The following CEP128 variants were observed in gnomAD, a reference collection of about 807,000 sequenced individuals.
CEP128 encodes centrosomal protein 128, also known as centrosomal protein 128kDa.
In CEP128, 132 loss-of-function variants were observed where a neutral mutation model predicts 156.7. That is an observed-to-expected ratio of 0.84 (90% confidence interval 0.73 to 0.97). The LOEUF (loss-of-function observed/expected upper bound fraction) is 0.97, where lower values mean the gene tolerates loss of function less well. Ranked by LOEUF, CEP128 falls within the 50% of genes least tolerant of loss-of-function variation. The pLI is 0.00. For synonymous variants in CEP128, 469 were observed against 448.9 expected (o/e 1.04, Z -0.57); for missense variants, 1,252 against 1,281.9 (o/e 0.98, Z 0.36).
intron 19 of CEP128, among the ~76,000 whole-genome samples, chr14:80,721,280 A>G (rs570284224): frequency 6.6e-6 from 1 of 152,296 alleles, no homozygotes; most frequent in South Asian, 2.1e-4. Context: ...AACCCTGGCA[A>G]TCATACTACA....
rs1566705415 is a variant in CEP128 at position 80,903,653 on chromosome 14, C to CA, written c.480+1159_480+1160insT. Among the ~76,000 whole-genome samples, 218 of 140,898 alleles carry CA rather than the reference C, an allele frequency of 1.5e-3. 2 individuals are homozygous for CA. The highest frequency in any genetic ancestry group is 2.1e-3 in the African/African-American group (82 of 38,178). 92.4% of individuals were successfully genotyped at this position (140,898 alleles called of 152,430 possible). A position where few individuals can be genotyped will look rare whatever the true frequency, so the allele number is the denominator to read the frequency against. ...ATAAAGAACTCAAACAACTCAATAG[C>CA]GAAAAAAAAAAAAATTTAAAATGGG... On this transcript the variant is annotated intron_variant, in intron 6 of 24. Coordinates refer to ENST00000555265, the MANE Select transcript of CEP128 (RefSeq NM_152446.5).
intron 8 of CEP128, among the ~76,000 whole-genome samples, chr14:80,888,158 G>A (rs1595550114): frequency 6.6e-6 from 1 of 152,062 alleles, no homozygotes; most frequent in African/African-American, 2.4e-5. Flanking sequence ...ACCAAAAAAA[G>A]CCCAGGACCA....
At chr14:80,616,695 C>T (rs1271923638) in intron 19 of CEP128, among the ~76,000 whole-genome samples, 2 of 152,118 alleles carry the variant, frequency 1.3e-5, no homozygotes, top group Non-Finnish European at 2.9e-5. Context: ...ATTTACCTTG[C>T]CATACCTCAG....
intron 8 of CEP128, among the ~76,000 whole-genome samples, chr14:80,864,804 A>G (rs368785083): frequency 2.4e-4 from 37 of 152,148 alleles, no homozygotes; most frequent in African/African-American, 7.5e-4. Context: ...TGATCCACCC[A>G]CCTTGGCCTC....
rs1311873198 is a variant in CEP128, at chr14:80,904,846, G to A, written c.447C>T (p.Val149=). 2 of 1,608,284 alleles carry A rather than the reference G, an allele frequency of 1.2e-6. No homozygotes were observed. The highest frequency in any genetic ancestry group is 1.7e-6 in the Non-Finnish European group (2 of 1,174,754). Reference sequence around the variant, plus strand: ...TATCATCAGTCTCTTGAACAAACCGGACACCAGTTCTTGATCTCATTCGTT... The same window carrying A: ...TATCATCAGTCTCTTGAACAAACCGAACACCAGTTCTTGATCTCATTCGTT... ...GIKRMRSRTG[V]RFVQETDDMT... Residue 149 remains valine, a synonymous_variant, in exon 6 of 25, where the codon GTC becomes GTT. Coordinates refer to ENST00000555265, the MANE Select transcript of CEP128 (RefSeq NM_152446.5).
At chr14:80,793,750 A>G (rs553971184) in intron 13 of CEP128, among the ~76,000 whole-genome samples, 2 of 152,268 alleles carry the variant, frequency 1.3e-5, no homozygotes, top group African/African-American at 4.8e-5. Context: ...TATTTCTCTA[A>G]TCAAGAAAAA....
intron 7 of CEP128, 48 bp downstream of exon 7, chr14:80,899,890 T>C (rs1883431334): frequency 7.8e-7 from 1 of 1,276,058 alleles, no homozygotes; most frequent in Non-Finnish European, 1.1e-6. Context: ...AGCTAATTTA[T>C]TCTCCTCATA....
At chr14:80,484,730 A>C (rs1887123445) in intron 14 of CEP128, among the ~76,000 whole-genome samples, 1 of 152,174 alleles carries the variant, frequency 6.6e-6, no homozygotes, top group Admixed American at 6.5e-5. Flanking sequence ...GGAGATTTTA[A>C]CTTATTCTCC....
chr14:80,844,517 T>G (rs1200383642), intron 9 of CEP128, among the ~76,000 whole-genome samples: 2 of 152,106 alleles, frequency 1.3e-5, no homozygotes, highest in African/African-American at 4.8e-5. Context: ...TGAATTGAAA[T>G]GTGTGTATTT....
intron 21 of CEP128, among the ~76,000 whole-genome samples, chr14:80,552,867 T>C (rs140198482): frequency 6.6e-6 from 1 of 152,304 alleles, no homozygotes; most frequent in African/African-American, 2.4e-5. Context: ...TCTTTTTATG[T>C]TGTATTTTTA....
intron 2 of CEP128, among the ~76,000 whole-genome samples, chr14:80,949,707 A>G (rs1886421756): frequency 6.6e-6 from 1 of 152,208 alleles, no homozygotes; most frequent in Non-Finnish European, 1.5e-5. Flanking sequence ...TTTCAAAGTA[A>G]TTTACATCTG....
intron 19 of CEP128, among the ~76,000 whole-genome samples, chr14:80,620,544 TAGC>T (rs1037083292): frequency 6.6e-6 from 1 of 152,138 alleles, no homozygotes; most frequent in African/African-American, 2.4e-5. Context: ...TGACAGAAGA[TAGC>T]AGCAACAAGA....
chr14:80,502,421 T>C (rs149594152), intron 24 of CEP128, among the ~76,000 whole-genome samples: 218 of 152,298 alleles, frequency 1.4e-3, no homozygotes, highest in African/African-American at 5.0e-3. Flanking sequence ...CTTGTTCTGT[T>C]TTCTCTGTTC....
chr14:80,779,115 T>G (rs564568562), intron 15 of CEP128, among the ~76,000 whole-genome samples: 3 of 152,180 alleles, frequency 2.0e-5, no homozygotes, highest in Non-Finnish European at 2.9e-5. Flanking sequence ...CAACTAGAAA[T>G]GCTAACAAAA....
intron 19 of CEP128, among the ~76,000 whole-genome samples, chr14:80,734,711 G>A (rs939047710): frequency 3.3e-5 from 5 of 151,662 alleles, no homozygotes; most frequent in South Asian, 2.1e-4. Flanking sequence ...AACTGGGTAT[G>A]GTGGTACACA....
chr14:80,767,745 T>C (rs547191159), intron 16 of CEP128, among the ~76,000 whole-genome samples: 8 of 152,292 alleles, frequency 5.3e-5, no homozygotes, highest in African/African-American at 1.9e-4. Flanking sequence ...TAAGAGCATG[T>C]GAGAGCCTTA....
At chr14:80,846,291 T>C (rs754354653) in intron 9 of CEP128, among the ~76,000 whole-genome samples, 1 of 152,156 alleles carries the variant, frequency 6.6e-6, no homozygotes, top group Non-Finnish European at 1.5e-5. Context: ...TATTCCCCAA[T>C]AGCATTACAG....
chr14:80,938,366 C>T (rs1175177762), intron 2 of CEP128, among the ~76,000 whole-genome samples: 3 of 151,632 alleles, frequency 2.0e-5, no homozygotes, highest in African/African-American at 7.3e-5. Flanking sequence ...CCTGCCTCAG[C>T]CTCCCAAGTA....
intron 9 of CEP128, among the ~76,000 whole-genome samples, chr14:80,843,775 C>T (rs1221025587): frequency 6.6e-6 from 1 of 151,782 alleles, no homozygotes; most frequent in Non-Finnish European, 1.5e-5. Flanking sequence ...TTCAATCAAG[C>T]AAAAACTCAA....
Sources: gnomAD v4.1 joint callset for allele counts (sites outside exome capture counted in the v4.1 genomes callset) on GRCh38, gnomAD v4.1.1 for gene constraint, MANE v1.5 for transcripts, NCBI Gene and HGNC (gene_info 2026-07-23, HGNC 2026-07-21) for gene names.